AFAP1: variants seen among roughly 807,000 people sequenced by gnomAD.
The protein encoded by AFAP1 is actin filament associated protein 1.
In AFAP1, 75 loss-of-function variants were observed where a neutral mutation model predicts 93.9. The ratio of observed to expected loss-of-function variants is 0.80; its 90% CI spans 0.66 to 0.97. The LOEUF (loss-of-function observed/expected upper bound fraction) is 0.97, where lower values mean the gene tolerates loss of function less well. Among genes scored for constraint, AFAP1 ranks in the 50% least tolerant of loss-of-function variants. The pLI, the probability that AFAP1 is intolerant of heterozygous loss-of-function variation, is 0.00. For synonymous variants in AFAP1, 517 were observed against 430.7 expected (o/e 1.20, Z -2.48); for missense variants, 1,201 against 1,050.8 (o/e 1.14, Z -1.98).
At chr4:7,933,703 A>T (rs1028548500) in intron 1 of AFAP1, among the ~76,000 whole-genome samples, 2 of 152,190 alleles carry the variant, frequency 1.3e-5, no homozygotes, top group East Asian at 3.8e-4. Flanking sequence ...ACATGCAAAG[A>T]CCAGATAGAG....
intron 4 of AFAP1, among the ~76,000 whole-genome samples, chr4:7,847,367 A>C (rs1377541099): frequency 1.1e-4 from 17 of 151,718 alleles, no homozygotes. Flanking sequence ...CAGTGTCCCT[A>C]ATCAAGAGAA....
At chr4:7,833,339 G>A (rs1390674151) in intron 6 of AFAP1, among the ~76,000 whole-genome samples, 1 of 152,050 alleles carries the variant, frequency 6.6e-6, no homozygotes, top group Non-Finnish European at 1.5e-5. Context: ...AGTGGGCTAA[G>A]GACATGAACA....
intron 8 of AFAP1, among the ~76,000 whole-genome samples, 187 bp downstream of exon 8, chr4:7,815,831 A>G (rs531684269): frequency 8.8e-4 from 134 of 152,354 alleles, no homozygotes; most frequent in African/African-American, 2.5e-3. Context: ...GAAGACCTGC[A>G]GGGTTGATGT....
At chr4:7,828,763 C>A (rs1721647474) in intron 6 of AFAP1, among the ~76,000 whole-genome samples, 1 of 152,168 alleles carries the variant, frequency 6.6e-6, no homozygotes, top group Non-Finnish European at 1.5e-5. Flanking sequence ...AACAGAGGCA[C>A]TGAGAAGTCA....
intron 1 of AFAP1, among the ~76,000 whole-genome samples, chr4:7,900,908 C>T (rs1719078212): frequency 6.6e-6 from 1 of 152,200 alleles, no homozygotes; most frequent in Admixed American, 6.5e-5. Flanking sequence ...CCCTGAGACA[C>T]CGTCAGGGCC....
chr4:7,790,233 T>G lies in AFAP1; in HGVS notation c.1412+3448A>C, dbSNP rs1230248044. 2.0e-5 allele frequency among the ~76,000 whole-genome samples: 3 copies of G among 152,202 alleles called. No homozygotes were observed. The East Asian group carries it at 5.8e-4, about 29-fold the overall frequency. ...TCTCTCTTAAGTGTTACAGGAGTGT[T>G]TGGCTAGAAAACTTGAAAATAAGCT... is the stretch of plus-strand genomic sequence containing the variant. On this transcript the variant is annotated intron_variant, in intron 11 of 17. Transcript: ENST00000420658.
chr4:7,815,680 G>A (rs187784907), intron 8 of AFAP1, among the ~76,000 whole-genome samples: 29 of 152,226 alleles, frequency 1.9e-4, no homozygotes, highest in Admixed American at 1.3e-3. Flanking sequence ...GCAACATGCC[G>A]GCTGCTCACC....
At position 7,759,592 on chromosome 4, in the gene AFAP1, A is replaced by G. The variant is rs147955993; in HGVS notation, c.*4173T>C. On this transcript the variant is annotated 3_prime_UTR_variant, in exon 18 of 18. Transcript: ENST00000420658. Reference sequence around the variant, plus strand: ...AGGAAAAAATGAATTATCCTCCTTCAAACTATGTCATGAACTTGAAGTGAC... The same window carrying G: ...AGGAAAAAATGAATTATCCTCCTTCGAACTATGTCATGAACTTGAAGTGAC... 2.7e-3 allele frequency: 411 copies of G among 152,830 alleles called. No homozygotes were observed. Among genetic ancestry groups the G allele is most frequent in the African/African-American group, 8.8e-3 (365 of 41,596 alleles). The allele number at this position is 152,830 out of a possible 1,614,324, so 9.5% of individuals were successfully genotyped here.
At chr4:7,816,601 G>A (rs926967101) in intron 7 of AFAP1, among the ~76,000 whole-genome samples, 1 of 152,182 alleles carries the variant, frequency 6.6e-6, no homozygotes, top group Non-Finnish European at 1.5e-5. Flanking sequence ...CTTGGAGGGG[G>A]ATGGGGGACT....
chr4:7,917,034 G>C (rs993186493), intron 1 of AFAP1, among the ~76,000 whole-genome samples: 11 of 152,216 alleles, frequency 7.2e-5, no homozygotes, highest in Non-Finnish European at 1.3e-4. Flanking sequence ...AGTGCCATGA[G>C]TTTGAGCAAG....
At position 7,871,916 on chromosome 4, in the gene AFAP1, G is replaced by A. The variant is rs1266793661; in HGVS notation, c.127+36C>T. ...AAGACGATTTAGAAGCCAAGACACT[G>A]TAAGAAGGAAAAGCAGGCGTCAGAA... On this transcript the variant is annotated intron_variant, in intron 2 of 17. Coordinates refer to ENST00000420658, the MANE Select transcript of AFAP1 (RefSeq NM_001134647.2). 3 of 1,611,574 alleles carry A rather than the reference G, an allele frequency of 1.9e-6. No homozygotes were observed. In the East Asian group the frequency reaches 6.7e-5, roughly 36 times the overall value.
chr4:7,876,102 G>A (rs997644144), intron 1 of AFAP1, among the ~76,000 whole-genome samples: 3 of 152,212 alleles, frequency 2.0e-5, no homozygotes, highest in South Asian at 2.1e-4. Context: ...AAGAGAATTT[G>A]CTTGGGTTCC....
At chr4:7,877,729 C>A (rs924089148) in intron 1 of AFAP1, among the ~76,000 whole-genome samples, 2 of 152,148 alleles carry the variant, frequency 1.3e-5, no homozygotes, top group Non-Finnish European at 2.9e-5. Context: ...TCAGAGATAA[C>A]CCTAGTCTGA....
intron 8 of AFAP1, among the ~76,000 whole-genome samples, chr4:7,813,003 T>C (rs746915135): frequency 1.6e-4 from 25 of 152,068 alleles, no homozygotes; most frequent in Non-Finnish European, 3.5e-4. Flanking sequence ...GGATCAACCA[T>C]ACTGTGTCGG....
chr4:7,924,285 T>C (rs1167806407), intron 1 of AFAP1, among the ~76,000 whole-genome samples: 1 of 152,112 alleles, frequency 6.6e-6, no homozygotes, highest in African/African-American at 2.4e-5. Context: ...ACAAATAACT[T>C]CCTACCAACA....
At chr4:7,884,458 A>C (rs904166778) in intron 1 of AFAP1, among the ~76,000 whole-genome samples, 2 of 152,208 alleles carry the variant, frequency 1.3e-5, no homozygotes, top group African/African-American at 2.4e-5. Flanking sequence ...CAGCCCTGCC[A>C]ACTATTTAAA....
intron 1 of AFAP1, among the ~76,000 whole-genome samples, chr4:7,900,800 CAAAA>C (rs1157302512): frequency 1.3e-5 from 2 of 152,142 alleles, no homozygotes; most frequent in African/African-American, 4.8e-5. Context: ...TTCACTGAAA[CAAAA>C]GAATGAGTGA....
intron 1 of AFAP1, among the ~76,000 whole-genome samples, chr4:7,883,499 C>T (rs1254221364): frequency 6.6e-6 from 1 of 152,032 alleles, no homozygotes; most frequent in African/African-American, 2.4e-5. Flanking sequence ...AGGCCCATTT[C>T]CCCCACTACT....
chr4:7,791,344 G>A (rs1717840812), intron 11 of AFAP1, among the ~76,000 whole-genome samples: 1 of 152,158 alleles, frequency 6.6e-6, no homozygotes, highest in Admixed American at 6.5e-5. Flanking sequence ...CAGCAGTCAA[G>A]GGGTGAAAGA....
Sources: gnomAD v4.1 joint callset for allele counts (sites outside exome capture counted in the v4.1 genomes callset) on GRCh38, gnomAD v4.1.1 for gene constraint, MANE v1.5 for transcripts, NCBI Gene and HGNC (gene_info 2026-07-23, HGNC 2026-07-21) for gene names.